DLG2: variants seen among roughly 807,000 people sequenced by gnomAD.
The protein encoded by DLG2 is discs large MAGUK scaffold protein 2, also known as disks large homolog 2.
In DLG2, 45 loss-of-function variants were observed where a neutral mutation model predicts 132.5. The ratio of observed to expected loss-of-function variants is 0.34; its 90% CI spans 0.27 to 0.44. The LOEUF is 0.44. DLG2 is among the 20% of genes least tolerant of loss of function. DLG2 has a pLI of 1.00. For missense variants in DLG2, 1,045 were observed against 1,196.9 expected, an observed-to-expected ratio of 0.87 and a Z score of 1.87; for synonymous variants, 424 against 419.6, an observed-to-expected ratio of 1.01 and a Z score of -0.13.
At chr11:84,659,641 C>T (rs964048631) in intron 6 of DLG2, among the ~76,000 whole-genome samples, 2 of 152,074 alleles carry the variant, frequency 1.3e-5, no homozygotes, top group Non-Finnish European at 2.9e-5. Context: ...AAATTTCTCA[C>T]CCTGGGAATT....
intron 22 of DLG2, chr11:83,480,282 T>C (rs1414366781): frequency 2.1e-5 from 22 of 1,039,486 alleles, no homozygotes; most frequent in Middle Eastern, 2.0e-4. Context: ...AAGGTAGCAA[T>C]TGAAAAACAA....
At chr11:85,391,710 A>C (rs1245864690) in intron 3 of DLG2, among the ~76,000 whole-genome samples, 2 of 152,166 alleles carry the variant, frequency 1.3e-5, no homozygotes, top group Admixed American at 6.6e-5. Context: ...TAACAGATAC[A>C]GAAAAAGCAT....
At chr11:83,670,046 G>C (rs1300190857) in intron 18 of DLG2, among the ~76,000 whole-genome samples, 1 of 152,184 alleles carries the variant, frequency 6.6e-6, no homozygotes, top group Admixed American at 6.5e-5. Context: ...GATGTATACT[G>C]TGGTGGGTGC....
chr11:85,370,395 C>A (rs574721195), intron 3 of DLG2, among the ~76,000 whole-genome samples: 4 of 152,234 alleles, frequency 2.6e-5, no homozygotes, highest in African/African-American at 9.6e-5. Flanking sequence ...AGAAGTAGTG[C>A]AACAACTGTG....
chr11:84,263,813 G>C (rs111978805), intron 7 of DLG2, among the ~76,000 whole-genome samples: 4 of 152,238 alleles, frequency 2.6e-5, no homozygotes, highest in African/African-American at 9.6e-5. Context: ...TTTAGGGAGA[G>C]AGGCAAAGAT....
At chr11:84,074,301 A>C (rs1463152273) in intron 10 of DLG2, among the ~76,000 whole-genome samples, 1 of 151,970 alleles carries the variant, frequency 6.6e-6, no homozygotes, top group African/African-American at 2.4e-5. Flanking sequence ...CTCTACATCC[A>C]ATCCATTAAC....
At chr11:83,797,052 G>A (rs1464169036) in intron 17 of DLG2, among the ~76,000 whole-genome samples, 1 of 152,130 alleles carries the variant, frequency 6.6e-6, no homozygotes, top group Admixed American at 6.5e-5. Flanking sequence ...CTCACAGAGG[G>A]GGAGATTGGG....
At chr11:84,497,427 A>G (rs2099187713) in intron 7 of DLG2, among the ~76,000 whole-genome samples, 1 of 152,192 alleles carries the variant, frequency 6.6e-6, no homozygotes, top group African/African-American at 2.4e-5. Context: ...ACTCTACTTG[A>G]AGCATCCTAA....
At chr11:84,267,838 C>T (rs1289402385) in intron 7 of DLG2, among the ~76,000 whole-genome samples, 1 of 152,190 alleles carries the variant, frequency 6.6e-6, no homozygotes, top group East Asian at 1.9e-4. Context: ...CCATTGTCAA[C>T]CTGTAGGTCA....
Position 85,291,287 on chromosome 11 carries a change from T to TA in DLG2, c.41-5923dup, listed in dbSNP as rs2078873741. Among the ~76,000 whole-genome samples the TA allele has an allele frequency of 2.6e-5, 4 of 152,280 alleles. No homozygotes were observed. In the South Asian group the frequency reaches 8.3e-4, roughly 32 times the overall value. On this transcript the variant is annotated intron_variant, in intron 3 of 27. Transcript: ENST00000376104. The stretch of plus-strand genomic sequence containing the variant: ...ATTATCTACTTAACCACAATAAAAT[T>TA]AAAAAGTAACTAGAATGCCCAATGT...
chr11:83,974,057 T>C (rs370159992), intron 12 of DLG2, among the ~76,000 whole-genome samples: 15 of 152,188 alleles, frequency 9.9e-5, no homozygotes, highest in Admixed American at 3.9e-4. Flanking sequence ...TGAGGTGTTG[T>C]AGGCAAAAGA....
At chr11:85,476,176 G>C (rs1217075388) in intron 3 of DLG2, among the ~76,000 whole-genome samples, 2 of 152,052 alleles carry the variant, frequency 1.3e-5, no homozygotes, top group Non-Finnish European at 2.9e-5. Flanking sequence ...ACTGAATACT[G>C]TAAGCAACTG....
chr11:84,807,737 A>C (rs2076155748), intron 6 of DLG2, among the ~76,000 whole-genome samples: 1 of 152,208 alleles, frequency 6.6e-6, no homozygotes, highest in Non-Finnish European at 1.5e-5. Context: ...ACTTCAGAGC[A>C]AAGAAAGTTA....
At chr11:84,756,748 G>A (rs1417750402) in intron 6 of DLG2, among the ~76,000 whole-genome samples, 2 of 151,908 alleles carry the variant, frequency 1.3e-5, no homozygotes, top group African/African-American at 2.4e-5. Context: ...AGATTTTTTT[G>A]TGATTTTTTT....
At chr11:83,933,955 T>C (rs2080913363) in intron 14 of DLG2, among the ~76,000 whole-genome samples, 1 of 152,252 alleles carries the variant, frequency 6.6e-6, no homozygotes, top group African/African-American at 2.4e-5. Context: ...AAGGTAGCTG[T>C]AGCTGTGTCC....
chr11:84,068,088 T>C (rs1391459175), intron 10 of DLG2, among the ~76,000 whole-genome samples: 1 of 152,196 alleles, frequency 6.6e-6, no homozygotes, highest in Non-Finnish European at 1.5e-5. Context: ...GAGAGCTTAA[T>C]ATTAGAGGCC....
At chr11:83,920,643 T>A (rs1315724938) in intron 15 of DLG2, among the ~76,000 whole-genome samples, 1 of 152,202 alleles carries the variant, frequency 6.6e-6, no homozygotes, top group Non-Finnish European at 1.5e-5. Flanking sequence ...CTAAAATTTA[T>A]GGAGCACTTC....
At chr11:84,261,393 T>C (rs1163546744) in intron 7 of DLG2, among the ~76,000 whole-genome samples, 1 of 152,158 alleles carries the variant, frequency 6.6e-6, no homozygotes, top group African/African-American at 2.4e-5. Flanking sequence ...CCAAATTCTT[T>C]CCATCCTGCA....
chr11:85,521,778 C>A (rs2074332201), intron 3 of DLG2, among the ~76,000 whole-genome samples: 1 of 152,118 alleles, frequency 6.6e-6, no homozygotes, highest in Non-Finnish European at 1.5e-5. Context: ...TATCCTTTAG[C>A]AAAATGACTG....
Sources: gnomAD v4.1 joint callset for allele counts (sites outside exome capture counted in the v4.1 genomes callset) on GRCh38, gnomAD v4.1.1 for gene constraint, MANE v1.5 for transcripts, NCBI Gene and HGNC (gene_info 2026-07-23, HGNC 2026-07-21) for gene names.